Variants in ATP2B2 observed in about 807,000 individuals in gnomAD.
The protein encoded by ATP2B2 is plasma membrane calcium-transporting ATPase 2.
A neutral mutation model predicts 120.0 loss-of-function variants in ATP2B2; 15 were observed. The ratio of observed to expected loss-of-function variants is 0.12; its 90% CI spans 0.08 to 0.19. The LOEUF is 0.19. Ranked by LOEUF, ATP2B2 falls within the 10% of genes least tolerant of loss-of-function variation. ATP2B2 has a pLI of 1.00. For missense variants in ATP2B2, 1,045 were observed against 1,719.8 expected (o/e 0.61, Z 6.94); for synonymous variants, 694 against 700.3 (o/e 0.99, Z 0.14).
At chr3:10,549,597 G>A (rs1158377909) in intron 2 of ATP2B2, among the ~76,000 whole-genome samples, 1 of 152,278 alleles carries the variant, frequency 6.6e-6, no homozygotes, top group East Asian at 1.9e-4. Context: ...AAATAAATCC[G>A]AATTGCAAAG....
chr3:10,645,266 T>C (rs2070293549), intron 1 of ATP2B2, among the ~76,000 whole-genome samples: 1 of 151,984 alleles, frequency 6.6e-6, no homozygotes, highest in African/African-American at 2.4e-5. Flanking sequence ...TGGAGGGGGG[T>C]TGTACTCAAA....
intron 1 of ATP2B2, among the ~76,000 whole-genome samples, chr3:10,620,508 G>A (rs534233452): frequency 2.8e-4 from 43 of 152,316 alleles, no homozygotes; most frequent in African/African-American, 9.9e-4. Flanking sequence ...TGTGGCAGGA[G>A]TAGGGAAACC....
At chr3:10,618,310 G>C (rs2125620051) in intron 2 of ATP2B2, among the ~76,000 whole-genome samples, 1 of 152,202 alleles carries the variant, frequency 6.6e-6, no homozygotes, top group East Asian at 2.0e-4. Flanking sequence ...ATGAACCTAT[G>C]TAAGAGGTGA....
At chr3:10,612,346 G>A (rs4684725) in intron 2 of ATP2B2, among the ~76,000 whole-genome samples, 135,295 of 152,154 alleles carry the variant, frequency 0.89, 60,186 homozygotes, top group Middle Eastern at 0.96. Context: ...TCATCTTGCC[G>A]AGTCCAGAGG....
chr3:10,370,198 C>A (rs2061184628), intron 12 of ATP2B2, among the ~76,000 whole-genome samples: 1 of 152,250 alleles, frequency 6.6e-6, no homozygotes, highest in South Asian at 2.1e-4. Flanking sequence ...GTTTCCTCAG[C>A]CTTCCTGGCA....
chr3:10,467,519 A>G (rs1488144638), intron 1 of ATP2B2, among the ~76,000 whole-genome samples: 2 of 152,192 alleles, frequency 1.3e-5, no homozygotes, highest in Non-Finnish European at 2.9e-5. Flanking sequence ...CAGTTGGCAC[A>G]TGGCAAAAGC....
chr3:10,400,482 A>C (rs1203652988), intron 5 of ATP2B2, among the ~76,000 whole-genome samples: 1 of 152,054 alleles, frequency 6.6e-6, no homozygotes. Context: ...TCTGCTCAGG[A>C]ATTTTCACAT....
At chr3:10,380,866 C>T (rs2061512983) in intron 8 of ATP2B2, among the ~76,000 whole-genome samples, 1 of 152,244 alleles carries the variant, frequency 6.6e-6, no homozygotes. Context: ...TAATCACTTG[C>T]ACGGTTCAGC....
chr3:10,445,716 T>C (rs1038727901), intron 2 of ATP2B2, among the ~76,000 whole-genome samples: 2 of 152,208 alleles, frequency 1.3e-5, no homozygotes, highest in African/African-American at 4.8e-5. Flanking sequence ...ATGGGAAGGC[T>C]AATTTATGCG....
intron 2 of ATP2B2, among the ~76,000 whole-genome samples, chr3:10,535,882 A>G (rs112843003): frequency 1.3e-5 from 2 of 151,658 alleles, no homozygotes; most frequent in African/African-American, 4.8e-5. Flanking sequence ...CAAGAGTGCA[A>G]TTGTTGGGTT....
At chr3:10,482,616 C>T (rs1057409308) in intron 1 of ATP2B2, among the ~76,000 whole-genome samples, 3 of 152,222 alleles carry the variant, frequency 2.0e-5, no homozygotes, top group Admixed American at 6.5e-5. Flanking sequence ...GTCTCCCTGA[C>T]CTGTGTGTCC....
Position 10,535,234 on chromosome 3 carries a change from T to C in ATP2B2, c.-414-1101A>G, listed in dbSNP as rs77510869. On this transcript the variant is annotated intron_variant, in intron 2 of 21. Transcript: ENST00000646379. ...TGTAACTTTTTATTTTAAATAGTTA[T>C]CGATTCAAAAGAAATTGCAAAGAAA... Among the ~76,000 whole-genome samples, 86 of 152,264 alleles carry C rather than the reference T, an allele frequency of 5.6e-4. No homozygotes were observed. The East Asian group carries it at 0.015, about 27-fold the overall frequency.
chr3:10,359,218 T>C (rs1241703422), intron 13 of ATP2B2, among the ~76,000 whole-genome samples: 2 of 152,234 alleles, frequency 1.3e-5, no homozygotes, highest in African/African-American at 4.8e-5. Context: ...CTAGTAGTTC[T>C]TGACCCTGCC....
chr3:10,486,312 T>TGTGTGTGC (rs2065652995), intron 1 of ATP2B2, among the ~76,000 whole-genome samples: 1 of 110,244 alleles, frequency 9.1e-6, no homozygotes, highest in South Asian at 4.1e-4. Flanking sequence ...AGCAGCCAGG[T>TGTGTGTGC]GTGTGTGCGT....
intron 1 of ATP2B2, among the ~76,000 whole-genome samples, chr3:10,691,545 A>T (rs1241230364): frequency 6.6e-6 from 1 of 152,012 alleles, no homozygotes; most frequent in African/African-American, 2.4e-5. Context: ...CTCCACCACC[A>T]CCCAGCTCAC....
intron 1 of ATP2B2, among the ~76,000 whole-genome samples, chr3:10,674,317 G>C (rs1260000257): frequency 1.3e-5 from 2 of 152,210 alleles, no homozygotes; most frequent in African/African-American, 2.4e-5. Flanking sequence ...GAGAAACAGA[G>C]GGAGAGAAAA....
chr3:10,500,935 G>C (rs1234612893), intron 1 of ATP2B2, among the ~76,000 whole-genome samples: 1 of 152,216 alleles, frequency 6.6e-6, no homozygotes, highest in Non-Finnish European at 1.5e-5. Context: ...AGGACACTGG[G>C]GGGCAGGATC....
At chr3:10,553,909 C>T (rs574347703) in intron 2 of ATP2B2, among the ~76,000 whole-genome samples, 1 of 151,828 alleles carries the variant, frequency 6.6e-6, no homozygotes, top group Admixed American at 6.5e-5. Context: ...GTGACATCCC[C>T]CAGCTCCCAA....
At chr3:10,464,213 C>T (rs546071938) in intron 1 of ATP2B2, among the ~76,000 whole-genome samples, 15 of 152,278 alleles carry the variant, frequency 9.9e-5, no homozygotes, top group African/African-American at 2.6e-4. Context: ...AAAATAATGC[C>T]GCACCACACT....
Sources: gnomAD v4.1 joint callset for allele counts (sites outside exome capture counted in the v4.1 genomes callset) on GRCh38, gnomAD v4.1.1 for gene constraint, MANE v1.5 for transcripts, NCBI Gene and HGNC (gene_info 2026-07-23, HGNC 2026-07-21) for gene names.